The following PPP1R9B variants were observed in gnomAD, a reference collection of about 807,000 sequenced individuals.
PPP1R9B encodes the protein neurabin-2.
Under a neutral mutation model 75.8 loss-of-function variants are expected in PPP1R9B, and 17 were observed. The observed-to-expected ratio is 0.22, with a 90% CI of 0.15 to 0.34. PPP1R9B has a LOEUF of 0.34. PPP1R9B is among the 10% of genes least tolerant of loss of function. The probability of loss-of-function intolerance (pLI) is 1.00; values close to 1 mark genes in which losing one functional copy is unlikely to be tolerated. For missense variants in PPP1R9B, 875 were observed against 1,196.0 expected, an observed-to-expected ratio of 0.73 and a Z score of 3.96; for synonymous variants, 509 against 535.4, an observed-to-expected ratio of 0.95 and a Z score of 0.68.
At position 50,149,404 on chromosome 17, in the gene PPP1R9B, C is replaced by T. The variant is rs1368167425; in HGVS notation, c.1110G>A (p.Arg370=). 6.2e-7 allele frequency: 1 copy of T among 1,612,332 alleles called. No individual in the cohort carries two copies. The highest frequency in any genetic ancestry group is 2.2e-5 in the East Asian group (1 of 44,768). Residue 370 remains arginine (R), a synonymous_variant, in exon 1 of 10, where the codon CGG becomes CGA. Transcript: ENST00000612501. This position sits in a 1 kb window ranked among gnomAD's most constrained non-coding sequence, Gnocchi z 7.2. ...APPERGVGNG[R]APDVAPEEVD... is the part of the protein sequence containing the mutation. ...CCTCCTCAGGGGCCACGTCCGGGGC[C>T]CGGCCATTGCCCACCCCCCTCTCTG...
In PPP1R9B at chr17:50,139,248, C is replaced by T; in HGVS notation, c.2073+15G>A. The T allele has an allele frequency of 1.2e-6, 2 of 1,614,074 alleles. No homozygotes were observed. Among genetic ancestry groups the T allele is most frequent in the Non-Finnish European group, 1.7e-6 (2 of 1,179,890 alleles). ...ACATGCACGCACGCAAAAGCACACA[C>T]ATACGCACCCTTACCTTTCTTTTCA... On this transcript the variant is annotated intron_variant, in intron 7 of 9. Transcript: ENST00000612501. The surrounding 1 kb of genome is among the most constrained non-coding windows in gnomAD (Gnocchi z 5.0).
Position 50,139,314 on chromosome 17 carries a change from G to A in PPP1R9B, c.2022C>T (p.Leu674=). Residue 674 remains leucine, a splice_region_variant and synonymous_variant, in exon 7 of 10, where the codon CTC becomes CTT. Coordinates refer to ENST00000612501, the MANE Select transcript of PPP1R9B (RefSeq NM_032595.5). This position sits in a 1 kb window ranked among gnomAD's most constrained non-coding sequence, Gnocchi z 5.0. The part of the protein sequence containing the change: ...PEKLVHKFKE[L]QIKHAVTEAE... ...CCTCAGTGACCGCATGCTTGATCTG[G>A]AGCTGTTGGGCAGAGGGGCAGGCAC... 3.1e-6 allele frequency: 5 copies of A among 1,614,000 alleles called. No individual in the cohort carries two copies. The highest frequency in any genetic ancestry group is 4.2e-6 in the Non-Finnish European group (5 of 1,179,884).
chr17:50,147,632 G>A (rs1178701467), intron 1 of PPP1R9B, among the ~76,000 whole-genome samples: 1 of 152,144 alleles, frequency 6.6e-6, no homozygotes, highest in African/African-American at 2.4e-5. Context: ...TGAGGGAATC[G>A]GACTTCTCGC....
Position 50,135,578 on chromosome 17 carries a change from T to C in PPP1R9B, c.2375A>G (p.Glu792Gly), listed in dbSNP as rs1160095897. 6.2e-7 allele frequency: 1 copy of C among 1,611,106 alleles called. No individual in the cohort carries two copies. Among genetic ancestry groups the C allele is most frequent in the East Asian group, 2.2e-5 (1 of 44,774 alleles). ...VLEESELARK[E>G]EMDKLLDKIS... ...CTTGTCCAGGAGCTTGTCCATCTCC[T>C]CCTTTCTGGCCAGCTCCGACTCCTC... Residue 792 changes from glutamate to glycine, a missense_variant, in exon 9 of 10, where the codon GAG becomes GGG. Glu to Gly is a moderately conservative substitution (Grantham distance 98). Transcript: ENST00000612501.
Position 50,150,313 on chromosome 17 carries a change from C to G in PPP1R9B, c.201G>C (p.Thr67=). Residue 67 remains threonine (T), a synonymous_variant, in exon 1 of 10, where the codon ACG becomes ACC. Coordinates refer to ENST00000612501, the MANE Select transcript of PPP1R9B (RefSeq NM_032595.5). This position sits in a 1 kb window ranked among gnomAD's most constrained non-coding sequence, Gnocchi z 8.7. ...IKSMFLQMGT[T]AGPSGEAGGG... ...CGCCCGCCTCGCCCGAGGGCCCCGCCGTCGTGCCCATCTGCAGGAACATAC... is the reference window on the plus strand; with the variant it reads ...CGCCCGCCTCGCCCGAGGGCCCCGCGGTCGTGCCCATCTGCAGGAACATAC... 1 of 1,444,084 alleles carries G rather than the reference C, an allele frequency of 6.9e-7. No individual in the cohort carries two copies. Among genetic ancestry groups the G allele is most frequent in the Middle Eastern group, 1.8e-4 (1 of 5,618 alleles). The allele number at this position is 1,444,084 out of a possible 1,614,324, so 89.5% of individuals were successfully genotyped here.
chr17:50,137,717 A>T (rs1912265646), intron 7 of PPP1R9B, among the ~76,000 whole-genome samples: 1 of 152,196 alleles, frequency 6.6e-6, no homozygotes, highest in African/African-American at 2.4e-5. Context: ...TGCTATCTGT[A>T]GGACCAAGGC....
chr17:50,140,862 G>A (rs538918860), intron 4 of PPP1R9B, among the ~76,000 whole-genome samples: 2 of 152,158 alleles, frequency 1.3e-5, no homozygotes, highest in African/African-American at 2.4e-5. Flanking sequence ...GGCCTGGGGC[G>A]GAGTCTTCCC....
At position 50,140,179 on chromosome 17, in the gene PPP1R9B, G is replaced by A; in HGVS notation, c.1780C>T (p.Leu594=). The stretch of plus-strand genomic sequence containing the variant: ...TCCTGTTCCAAAGTCTGCTGAATTA[G>A]CTGGGCCACTTCGCTCTGCTCTCCC... ...RPGEQSEVAQ[L]IQQTLEQERW... is the part of the protein sequence containing the mutation. Residue 594 remains leucine, a synonymous_variant, in exon 5 of 10, where the codon CTA becomes TTA. Coordinates refer to ENST00000612501, the MANE Select transcript of PPP1R9B (RefSeq NM_032595.5). The A allele has an allele frequency of 6.2e-7, 1 of 1,610,908 alleles. No individual in the cohort carries two copies. The highest frequency in any genetic ancestry group is 8.5e-7 in the Non-Finnish European group (1 of 1,178,672).
intron 1 of PPP1R9B, among the ~76,000 whole-genome samples, chr17:50,145,737 G>C (rs145316822): frequency 2.1e-4 from 32 of 151,982 alleles, no homozygotes; most frequent in African/African-American, 6.5e-4. Context: ...GGGGAGAGAG[G>C]GGGGAGCGGG....
intron 8 of PPP1R9B, 71 bp downstream of exon 8, chr17:50,135,897 T>C: frequency 8.2e-7 from 1 of 1,225,252 alleles, no homozygotes. Flanking sequence ...GCTGGAGGGA[T>C]GGGGAGGGAC....
chr17:50,135,557 TC>T lies in PPP1R9B; in HGVS notation c.2395del (p.Asp799ThrfsTer13). The T allele has an allele frequency of 1.2e-6, 2 of 1,610,230 alleles. No individual in the cohort carries two copies. Among genetic ancestry groups the T allele is most frequent in the Non-Finnish European group, 1.7e-6 (2 of 1,178,012 alleles). On this transcript the variant is annotated frameshift_variant, in exon 9 of 10. Transcript: ENST00000612501. LOFTEE classifies it high-confidence loss of function. ...CACAGGGCGCCCCAGGCCCACCTTG[TC>T]CAGGAGCTTGTCCATCTCCTCCTTT... ...ARKEEMDKLL[D>X]KISELEGNLQ...
chr17:50,150,331 G>T lies in PPP1R9B; in HGVS notation c.183C>A (p.Phe61Leu). The change falls in exon 1 of 10, where the codon TTC (phenylalanine) becomes TTA (leucine). Residue 61 changes from phenylalanine to leucine, a missense_variant. Phe to Leu is a conservative substitution (Grantham distance 22, BLOSUM62 0). Transcript: ENST00000612501. The surrounding 1 kb of genome is among the most constrained non-coding windows in gnomAD (Gnocchi z 8.7). ...GCCCCGCCGTCGTGCCCATCTGCAG[G>T]AACATACTTTTGATGCGGTGGACGT... ...GSNVHRIKSM[F>L]LQMGTTAGPS... 6.9e-7 allele frequency: 1 copy of T among 1,451,472 alleles called. No individual in the cohort carries two copies. The highest frequency in any genetic ancestry group is 9.1e-7 in the Non-Finnish European group (1 of 1,099,628). 89.9% of individuals were successfully genotyped at this position (1,451,472 alleles called of 1,614,324 possible). A position where few individuals can be genotyped will look rare whatever the true frequency, so the allele number is the denominator to read the frequency against.
rs761103163 is a variant in PPP1R9B at position 50,149,304 on chromosome 17, C to T, written c.1210G>A (p.Asp404Asn). Reference protein sequence around the residue: ...DVSAYSGLGEDSAGSALEEDD... With the variant: ...DVSAYSGLGENSAGSALEEDD... Reference sequence around the variant, plus strand: ...TCCTCCAGGGCACTGCCCGCAGAGTCCTCCCCGAGCCCACTGTAGGCGCTC... The same window carrying T: ...TCCTCCAGGGCACTGCCCGCAGAGTTCTCCCCGAGCCCACTGTAGGCGCTC... Residue 404 changes from aspartate to asparagine, a missense_variant, in exon 1 of 10, where the codon GAC (aspartate) becomes AAC (asparagine). Physicochemically the swap from Asp to Asn is conservative, Grantham distance 23 (BLOSUM62 1). Coordinates refer to ENST00000612501, the MANE Select transcript of PPP1R9B (RefSeq NM_032595.5). This position sits in a 1 kb window ranked among gnomAD's most constrained non-coding sequence, Gnocchi z 7.2. The T allele has an allele frequency of 6.2e-7, 1 of 1,613,232 alleles. No homozygotes were observed. The highest frequency in any genetic ancestry group is 1.3e-5 in the African/African-American group (1 of 74,888).
intron 1 of PPP1R9B, among the ~76,000 whole-genome samples, chr17:50,147,353 C>A (rs887820820): frequency 6.6e-6 from 1 of 152,200 alleles, no homozygotes; most frequent in African/African-American, 2.4e-5. Flanking sequence ...CCATGGGGAC[C>A]GGGACCCTGG....
rs919268639 is a variant in PPP1R9B at position 50,134,137 on chromosome 17, G to A, written c.*1194C>T. 2.6e-5 allele frequency: 4 copies of A among 152,610 alleles called. No homozygotes were observed. Among genetic ancestry groups the A allele is most frequent in the Non-Finnish European group, 5.9e-5 (4 of 68,038 alleles). The allele number at this position is 152,610 out of a possible 1,614,324, so 9.5% of individuals were successfully genotyped here. ...GGGGCATGAAGTGGCAAAATGAGATGGATTTTGAAAGGGGAGGGGACCTGG... is the reference window on the plus strand; with the variant it reads ...GGGGCATGAAGTGGCAAAATGAGATAGATTTTGAAAGGGGAGGGGACCTGG... On this transcript the variant is annotated 3_prime_UTR_variant, in exon 10 of 10. Transcript: ENST00000612501.
intron 4 of PPP1R9B, 78 bp downstream of exon 4, chr17:50,141,191 G>T: frequency 2.2e-6 from 2 of 926,630 alleles, no homozygotes; most frequent in Non-Finnish European, 3.3e-6. Flanking sequence ...ACCTTAACTG[G>T]CTGTTAAGGC....
In PPP1R9B at chr17:50,150,514, G is replaced by C; in HGVS notation, c.-1C>G. 4 of 1,329,082 alleles carry C rather than the reference G, an allele frequency of 3.0e-6. No homozygotes were observed. The highest frequency in any genetic ancestry group is 3.9e-6 in the Non-Finnish European group (4 of 1,038,276). 82.3% of individuals were successfully genotyped at this position (1,329,082 alleles called of 1,614,324 possible). The stretch of plus-strand genomic sequence containing the variant: ...GCCCCCGTGGCTCCGTCTTCATCAT[G>C]GTGGGGGGAGCCGGGTTCGCATGCC... On this transcript the variant is annotated 5_prime_UTR_variant, in exon 1 of 10. Coordinates refer to ENST00000612501, the MANE Select transcript of PPP1R9B (RefSeq NM_032595.5). The surrounding 1 kb of genome is among the most constrained non-coding windows in gnomAD (Gnocchi z 8.7).
chr17:50,149,377 T>C lies in PPP1R9B; in HGVS notation c.1137A>G (p.Val379=), dbSNP rs199865066. 255 of 1,613,044 alleles carry C rather than the reference T, an allele frequency of 1.6e-4. No individual in the cohort carries two copies. The highest frequency in any genetic ancestry group is 5.0e-4 in the Middle Eastern group (3 of 6,060). ...AGAAGTCCTCCTTCTTGGATTCATCTACCTCCTCAGGGGCCACGTCCGGGG... is the reference window on the plus strand; with the variant it reads ...AGAAGTCCTCCTTCTTGGATTCATCCACCTCCTCAGGGGCCACGTCCGGGG... ...GRAPDVAPEE[V]DESKKEDFSE... Residue 379 remains valine (V), a synonymous_variant, in exon 1 of 10, where the codon GTA becomes GTG. Transcript: ENST00000612501. The surrounding 1 kb of genome is among the most constrained non-coding windows in gnomAD (Gnocchi z 7.2).
At position 50,150,624 on chromosome 17, in the gene PPP1R9B, G is replaced by A; in HGVS notation, c.-111C>T. The A allele has an allele frequency of 8.9e-7, 1 of 1,128,326 alleles. No individual in the cohort carries two copies. The highest frequency in any genetic ancestry group is 1.1e-6 in the Non-Finnish European group (1 of 894,206). 69.9% of individuals were successfully genotyped at this position (1,128,326 alleles called of 1,614,324 possible). The stretch of plus-strand genomic sequence containing the variant: ...CCCCCCGATAAAAGAAACCCCGAAG[G>A]CCTTTTTTAGGGTCCCCCCAAAACC... On this transcript the variant is annotated 5_prime_UTR_variant, in exon 1 of 10. Coordinates refer to ENST00000612501, the MANE Select transcript of PPP1R9B (RefSeq NM_032595.5). The surrounding 1 kb of genome is among the most constrained non-coding windows in gnomAD (Gnocchi z 8.7).
Sources: allele counts gnomAD v4.1 joint callset (sites outside exome capture counted in the v4.1 genomes callset), GRCh38; gene constraint gnomAD v4.1.1; non-coding constraint Gnocchi (gnomAD v3.1); transcripts MANE v1.5; gene names NCBI Gene and HGNC (gene_info 2026-07-23, HGNC 2026-07-21).